TPST1: variants seen among roughly 807,000 people sequenced by gnomAD.
The protein encoded by TPST1 is tyrosylprotein sulfotransferase 1, also known as protein-tyrosine sulfotransferase 1.
Under a neutral mutation model 34.8 loss-of-function variants are expected in TPST1, and 20 were observed. The ratio of observed to expected loss-of-function variants is 0.57; its 90% CI spans 0.40 to 0.84. The LOEUF is 0.84. TPST1 is among the 40% of genes least tolerant of loss of function. TPST1 has a pLI of 0.00. For missense variants in TPST1, 353 were observed against 455.5 expected (o/e 0.78, Z 2.05); for synonymous variants, 152 against 159.4 (o/e 0.95, Z 0.35).
chr7:66,218,390 A>C (rs1789469388), intron 1 of TPST1, among the ~76,000 whole-genome samples: 1 of 152,206 alleles, frequency 6.6e-6, no homozygotes, highest in Admixed American at 6.5e-5. Context: ...ATACTCATTT[A>C]TATGCTCATT....
chr7:66,243,885 C>T (rs1790090581), intron 2 of TPST1, among the ~76,000 whole-genome samples: 1 of 151,784 alleles, frequency 6.6e-6, no homozygotes, highest in African/African-American at 2.4e-5. Flanking sequence ...ATTTATTGCC[C>T]ACAGTCAGTC....
At chr7:66,276,690 C>T (rs1351249962) in intron 2 of TPST1, among the ~76,000 whole-genome samples, 2 of 151,848 alleles carry the variant, frequency 1.3e-5, no homozygotes, top group South Asian at 4.2e-4. Flanking sequence ...ATTTTTCCTT[C>T]CATTTCTAAA....
intron 1 of TPST1, among the ~76,000 whole-genome samples, chr7:66,219,987 A>G (rs750026115): frequency 5.3e-5 from 8 of 152,246 alleles, no homozygotes; most frequent in Non-Finnish European, 1.2e-4. Context: ...AAGTGATGAT[A>G]GAGGCAGATG....
intron 2 of TPST1, among the ~76,000 whole-genome samples, chr7:66,244,643 C>T (rs1790110444): frequency 6.6e-6 from 1 of 152,164 alleles, no homozygotes; most frequent in Non-Finnish European, 1.5e-5. Flanking sequence ...TTTTAGTTGT[C>T]TCCATCAGGG....
intron 1 of TPST1, among the ~76,000 whole-genome samples, chr7:66,239,174 G>A (rs938349189): frequency 6.6e-6 from 1 of 152,244 alleles, no homozygotes; most frequent in African/African-American, 2.4e-5. Context: ...TTCTTAAAGA[G>A]ACAGGGTCTC....
In TPST1 at chr7:66,270,165, A is replaced by G. The variant is rs1790677688; in HGVS notation, c.846-16346A>G. On this transcript the variant is annotated intron_variant, in intron 2 of 5. Transcript: ENST00000304842. ...CAGGCAGAGAGAAGAGTCACAGTAA[A>G]GTAGCTATCAAGAGACCACGCCTGG... Among the ~76,000 whole-genome samples the G allele has an allele frequency of 1.3e-5, 2 of 152,154 alleles. 1 individual carries two copies. Among genetic ancestry groups the G allele is most frequent in the South Asian group, 4.1e-4 (2 of 4,824 alleles).
At chr7:66,328,886 C>CTCTATATATATATA (rs757168858) in intron 3 of TPST1, among the ~76,000 whole-genome samples, 2 of 22,096 alleles carry the variant, frequency 9.1e-5, no homozygotes, top group Non-Finnish European at 1.5e-4. Flanking sequence ...CTCTCTCTCT[C>CTCTATATATATATA]TATATATATA....
Position 66,227,322 on chromosome 7 carries a change from C to T in TPST1, c.-101-13003C>T, listed in dbSNP as rs529463533. Among the ~76,000 whole-genome samples, 4 of 152,120 alleles carry T rather than the reference C, an allele frequency of 2.6e-5. No individual in the cohort carries two copies. The South Asian group carries it at 6.2e-4, about 24-fold the overall frequency. On this transcript the variant is annotated intron_variant, in intron 1 of 5. Transcript: ENST00000304842. ...CTGGGATTACAGGCGTGAGCCACTG[C>T]GCCCAGCCCAAAATAAGCCTTTAAG...
intron 3 of TPST1, among the ~76,000 whole-genome samples, chr7:66,307,978 A>G (rs1370896937): frequency 2.6e-5 from 4 of 152,240 alleles, no homozygotes; most frequent in Non-Finnish European, 5.9e-5. Context: ...TCTTTTCTAT[A>G]TCTTACCACA....
chr7:66,346,324 C>T (rs1168876870), intron 3 of TPST1, among the ~76,000 whole-genome samples: 2 of 152,006 alleles, frequency 1.3e-5, no homozygotes, highest in African/African-American at 4.8e-5. Flanking sequence ...ACTGATTTCC[C>T]TTCTTTTGGG....
intron 2 of TPST1, among the ~76,000 whole-genome samples, chr7:66,277,857 T>C (rs936460670): frequency 6.6e-6 from 1 of 151,986 alleles, no homozygotes; most frequent in Non-Finnish European, 1.5e-5. Flanking sequence ...AGAAGAATGT[T>C]GCAGAAATAG....
intron 3 of TPST1, among the ~76,000 whole-genome samples, chr7:66,337,299 AT>A (rs749288846): frequency 0.13 from 14,283 of 107,638 alleles, 1,436 homozygotes; most frequent in African/African-American, 0.29. Flanking sequence ...TAAAAGACAA[AT>A]TTTTTTTTTT....
chr7:66,262,108 C>A (rs891734345), intron 2 of TPST1, among the ~76,000 whole-genome samples: 3 of 152,154 alleles, frequency 2.0e-5, no homozygotes, highest in African/African-American at 7.2e-5. Flanking sequence ...ATGTGTCCTG[C>A]TGATAAGTGC....
At chr7:66,284,843 C>A (rs1460791659) in intron 2 of TPST1, among the ~76,000 whole-genome samples, 4 of 152,100 alleles carry the variant, frequency 2.6e-5, no homozygotes, top group Non-Finnish European at 5.9e-5. Flanking sequence ...TAAAAATTAT[C>A]TTTGGAATTT....
intron 1 of TPST1, among the ~76,000 whole-genome samples, chr7:66,224,673 C>G (rs891556616): frequency 6.6e-6 from 1 of 151,974 alleles, no homozygotes; most frequent in Non-Finnish European, 1.5e-5. Context: ...GTTGACTGAT[C>G]CTGTTTTTGG....
chr7:66,237,987 A>G lies in TPST1; in HGVS notation c.-101-2338A>G, dbSNP rs191262580. On this transcript the variant is annotated intron_variant, in intron 1 of 5. Coordinates refer to ENST00000304842, the MANE Select transcript of TPST1 (RefSeq NM_003596.4). ...ATTATCACCAGACCGACTTAAAATT[A>G]CAAAGTTTTTCTGAGCTTATGTACC... Among the ~76,000 whole-genome samples, 277 of 152,302 alleles carry G rather than the reference A, an allele frequency of 1.8e-3. 1 individual carries two copies. Among genetic ancestry groups the G allele is most frequent in the African/African-American group, 6.3e-3 (262 of 41,572 alleles).
chr7:66,243,424 T>C (rs1395910645), intron 2 of TPST1, among the ~76,000 whole-genome samples: 1 of 152,008 alleles, frequency 6.6e-6, no homozygotes, highest in Non-Finnish European at 1.5e-5. Context: ...TTGGTTGAGG[T>C]GAGTCTAAAC....
At chr7:66,298,491 G>T (rs1272810906) in intron 3 of TPST1, among the ~76,000 whole-genome samples, 1 of 151,930 alleles carries the variant, frequency 6.6e-6, no homozygotes, top group Non-Finnish European at 1.5e-5. Context: ...ATATTTTCCC[G>T]ATTCTTTTAC....
intron 2 of TPST1, among the ~76,000 whole-genome samples, chr7:66,252,632 C>T (rs1253176513): frequency 6.6e-6 from 1 of 152,192 alleles, no homozygotes; most frequent in East Asian, 1.9e-4. Flanking sequence ...CGTGCCCGGC[C>T]AGTAGCTTAT....
Sources: gnomAD v4.1 joint callset for allele counts (sites outside exome capture counted in the v4.1 genomes callset) on GRCh38, gnomAD v4.1.1 for gene constraint, MANE v1.5 for transcripts, NCBI Gene and HGNC (gene_info 2026-07-23, HGNC 2026-07-21) for gene names.